CTIF: variants seen among roughly 807,000 people sequenced by gnomAD.
CTIF encodes CBP80/20-dependent translation initiation factor.
Under a neutral mutation model 66.0 loss-of-function variants are expected in CTIF, and 21 were observed. The ratio of observed to expected loss-of-function variants is 0.32; its 90% CI spans 0.23 to 0.46. CTIF has a LOEUF of 0.46. Among genes scored for constraint, CTIF ranks in the 20% least tolerant of loss-of-function variants. CTIF has a pLI of 1.00. For missense variants in CTIF, 739 were observed against 812.7 expected, an observed-to-expected ratio of 0.91 and a Z score of 1.10; for synonymous variants, 345 against 326.4, an observed-to-expected ratio of 1.06 and a Z score of -0.62.
intron 9 of CTIF, among the ~76,000 whole-genome samples, chr18:48,803,590 CGT>C (rs1251886558): frequency 1.2e-4 from 19 of 152,106 alleles, no homozygotes; most frequent in Admixed American, 1.2e-3. Context: ...GTTATTTCTG[CGT>C]GTGGTCCAGG....
intron 10 of CTIF, among the ~76,000 whole-genome samples, chr18:48,833,426 A>G (rs2068738183): frequency 6.6e-6 from 1 of 150,958 alleles, no homozygotes. Context: ...GAGGTCCTGC[A>G]GCCCTCTGGG....
intron 1 of CTIF, among the ~76,000 whole-genome samples, chr18:48,541,288 C>T (rs916718123): frequency 2.6e-5 from 4 of 152,152 alleles, no homozygotes; most frequent in Non-Finnish European, 4.4e-5. Context: ...TCCCCCAGTC[C>T]AGGGGCCCGC....
chr18:48,653,130 G>T (rs1300941668), intron 3 of CTIF, among the ~76,000 whole-genome samples: 1 of 152,152 alleles, frequency 6.6e-6, no homozygotes, highest in Non-Finnish European at 1.5e-5. Flanking sequence ...TCTGGCCAGG[G>T]CACTCAGGCA....
chr18:48,631,741 C>T (rs576923317), intron 2 of CTIF, among the ~76,000 whole-genome samples: 30 of 152,266 alleles, frequency 2.0e-4, no homozygotes, highest in Admixed American at 9.8e-4. Context: ...TGATGCTCAT[C>T]GTTCCCATAT....
At chr18:48,848,055 G>A (rs760535994) in intron 10 of CTIF, among the ~76,000 whole-genome samples, 1 of 152,162 alleles carries the variant, frequency 6.6e-6, no homozygotes, top group Non-Finnish European at 1.5e-5. Flanking sequence ...TGACGTGTAG[G>A]TGGCAACCAT....
At chr18:48,580,784 C>T (rs896905337) in intron 1 of CTIF, among the ~76,000 whole-genome samples, 27 of 152,204 alleles carry the variant, frequency 1.8e-4, no homozygotes, top group Non-Finnish European at 3.4e-4. Context: ...TTTGGCTCCC[C>T]CGCCCTGCAG....
chr18:48,619,938 G>A (rs777104337), intron 2 of CTIF, among the ~76,000 whole-genome samples, 193 bp downstream of exon 2: 14 of 152,158 alleles, frequency 9.2e-5, no homozygotes, highest in African/African-American at 1.4e-4. Context: ...TGTGCACCCC[G>A]TCCCTCTAAC....
chr18:48,685,315 C>G (rs1398448353), intron 6 of CTIF, among the ~76,000 whole-genome samples: 1 of 151,866 alleles, frequency 6.6e-6, no homozygotes, highest in Non-Finnish European at 1.5e-5. Context: ...CTCCGCCTCC[C>G]GGGTTCAAGT....
chr18:48,581,371 CTG>C (rs1238292914), intron 1 of CTIF, among the ~76,000 whole-genome samples: 1 of 152,152 alleles, frequency 6.6e-6, no homozygotes, highest in Non-Finnish European at 1.5e-5. Context: ...GGTTTTCAGG[CTG>C]TGTTTTGGCT....
intron 1 of CTIF, among the ~76,000 whole-genome samples, chr18:48,564,402 G>A (rs2089234473): frequency 6.6e-6 from 1 of 152,150 alleles, no homozygotes; most frequent in South Asian, 2.1e-4. Context: ...CCTGCTGCAG[G>A]CGGCCTTCGC....
At chr18:48,707,934 A>G (rs371189296) in intron 6 of CTIF, among the ~76,000 whole-genome samples, 7 of 152,096 alleles carry the variant, frequency 4.6e-5, no homozygotes, top group African/African-American at 1.2e-4. Context: ...AGATATGCCT[A>G]TTATGGACGT....
chr18:48,793,557 A>C (rs755624671), intron 9 of CTIF, among the ~76,000 whole-genome samples: 1 of 152,100 alleles, frequency 6.6e-6, no homozygotes, highest in Non-Finnish European at 1.5e-5. Flanking sequence ...CTCCCTCATG[A>C]TGATAGCTCA....
intron 1 of CTIF, among the ~76,000 whole-genome samples, chr18:48,602,178 T>C (rs2090102366): frequency 6.6e-6 from 1 of 152,224 alleles, no homozygotes; most frequent in East Asian, 1.9e-4. Flanking sequence ...GTATTGAGTA[T>C]GAATGTCGTT....
intron 9 of CTIF, among the ~76,000 whole-genome samples, chr18:48,778,940 G>T (rs1238142426): frequency 6.6e-6 from 1 of 152,206 alleles, no homozygotes; most frequent in African/African-American, 2.4e-5. Flanking sequence ...AGCTGTTTCA[G>T]CCCTGACTGA....
At chr18:48,771,957 GA>G (rs1016007034) in intron 9 of CTIF, among the ~76,000 whole-genome samples, 1 of 152,220 alleles carries the variant, frequency 6.6e-6, no homozygotes, top group Non-Finnish European at 1.5e-5. Context: ...TGGGCTGATG[GA>G]AAAAATCTCC....
At chr18:48,687,998 T>C (rs530054662) in intron 6 of CTIF, among the ~76,000 whole-genome samples, 1 of 152,362 alleles carries the variant, frequency 6.6e-6, no homozygotes, top group South Asian at 2.1e-4. Context: ...TGTGTAGAAC[T>C]TCTGGTAGCT....
chr18:48,654,484 G>C lies in CTIF; in HGVS notation c.253-9268G>C, dbSNP rs575377302. ...AAAAGTCAGGAAATAACAGATGCTG[G>C]AGAGGATGTGGAGAAATAGGAACAC... On this transcript the variant is annotated intron_variant, in intron 3 of 11. Transcript: ENST00000256413. Among the ~76,000 whole-genome samples, 46 of 152,318 alleles carry C rather than the reference G, an allele frequency of 3.0e-4. 1 individual carries two copies. The highest frequency in any genetic ancestry group is 1.0e-3 in the African/African-American group (42 of 41,568).
intron 9 of CTIF, among the ~76,000 whole-genome samples, chr18:48,813,420 T>C (rs2068300823): frequency 6.6e-6 from 1 of 152,258 alleles, no homozygotes; most frequent in African/African-American, 2.4e-5. Context: ...TGCTCCTTTA[T>C]TCTGCCAGGC....
chr18:48,710,921 G>A (rs546955307), intron 6 of CTIF, among the ~76,000 whole-genome samples: 85 of 152,248 alleles, frequency 5.6e-4, no homozygotes, highest in African/African-American at 2.0e-3. Context: ...GCAGTGAGCC[G>A]TGTTTGTACC....
Sources: allele counts gnomAD v4.1 joint callset (sites outside exome capture counted in the v4.1 genomes callset), GRCh38; gene constraint gnomAD v4.1.1; transcripts MANE v1.5; gene names NCBI Gene and HGNC (gene_info 2026-07-23, HGNC 2026-07-21).